The following DCTD variants were observed in gnomAD, a reference collection of about 807,000 sequenced individuals.
DCTD encodes dCMP deaminase, also known as deoxycytidylate deaminase.
In DCTD, 23 loss-of-function variants were observed where a neutral mutation model predicts 21.0. The ratio of observed to expected loss-of-function variants is 1.09; its 90% confidence interval spans 0.79 to 1.55. DCTD has a LOEUF of 1.55. DCTD is among the 40% of genes most tolerant of loss of function. The pLI is 0.00. For synonymous variants in DCTD, 71 were observed against 81.1 expected, an observed-to-expected ratio of 0.88 and a Z score of 0.67; for missense variants, 224 against 230.0, an observed-to-expected ratio of 0.97 and a Z score of 0.17.
rs72553960 is a variant in DCTD at position 182,916,723 on chromosome 4, C to T, written c.-8+588G>A. 4.3e-5 allele frequency: 46 copies of T among 1,071,638 alleles called. No homozygotes were observed. The African/African-American group carries it at 7.5e-4, about 18-fold the overall frequency. The allele number at this position is 1,071,638 out of a possible 1,614,324, so 66.4% of individuals were successfully genotyped here. A position where few individuals can be genotyped will look rare whatever the true frequency, so the allele number is the denominator to read the frequency against. On this transcript the variant is annotated intron_variant, in intron 1 of 5. Transcript: ENST00000438320. ...TCGCTGTGGGGTGCTGGAGAAGTAC[C>T]TACTAAATAGGAGGGAGGGGGAGCC...
chr4:182,907,259 C>T (rs1736885799), intron 3 of DCTD, among the ~76,000 whole-genome samples: 2 of 152,174 alleles, frequency 1.3e-5, no homozygotes, highest in African/African-American at 4.8e-5. Context: ...CCTCAGCCTC[C>T]CTGGAGTAGC....
chr4:182,898,543 T>C (rs1735152273), intron 3 of DCTD, among the ~76,000 whole-genome samples: 3 of 152,162 alleles, frequency 2.0e-5, no homozygotes, highest in Admixed American at 1.3e-4. Flanking sequence ...ACAGGTGACT[T>C]TCTCTAAAAC....
In DCTD at chr4:182,891,404, G is replaced by C. The variant is rs143183155; in HGVS notation, c.532C>G (p.Gln178Glu). Residue 178 changes from glutamine to glutamate, a missense_variant, in exon 6 of 6, where the codon CAG (glutamine) becomes GAG (glutamate). Coordinates refer to ENST00000438320, the MANE Select transcript of DCTD (RefSeq NM_001921.3). ...GAGATTGAATGAGATGTAACTCACTGAAGCTTTTGACTCGGTCTGCTGTTA... is the reference window on the plus strand; with the variant it reads ...GAGATTGAATGAGATGTAACTCACTCAAGCTTTTGACTCGGTCTGCTGTTA... The part of the protein sequence containing the change: ...SINSRPSQKL[Q>E] 5 of 1,605,362 alleles carry C rather than the reference G, an allele frequency of 3.1e-6. No individual in the cohort carries two copies. The African/African-American group carries it at 5.4e-5, about 17-fold the overall frequency.
intron 3 of DCTD, among the ~76,000 whole-genome samples, chr4:182,911,852 G>T (rs1025185020): frequency 1.3e-5 from 2 of 152,162 alleles, no homozygotes; most frequent in Non-Finnish European, 2.9e-5. Context: ...AGTAGTTTTT[G>T]TCATTGTGGA....
At chr4:182,893,907 C>A (rs185729231) in intron 4 of DCTD, among the ~76,000 whole-genome samples, 147 of 152,302 alleles carry the variant, frequency 9.7e-4, no homozygotes, top group Non-Finnish European at 6.3e-4. Flanking sequence ...AAATCTCCAG[C>A]CGAGAGTTTT....
intron 3 of DCTD, among the ~76,000 whole-genome samples, chr4:182,896,086 A>C (rs993495744): frequency 6.6e-6 from 1 of 152,146 alleles, no homozygotes; most frequent in African/African-American, 2.4e-5. Context: ...CAGCCTGCCA[A>C]CCTTCTACAC....
In DCTD at chr4:182,893,102, A is replaced by T; in HGVS notation, c.387T>A (p.Ser129=). Residue 129 remains serine (S), a synonymous_variant, in exon 5 of 6, where the codon TCT becomes TCA. Coordinates refer to ENST00000438320, the MANE Select transcript of DCTD (RefSeq NM_001921.3). ...QAGIKEVIFM[S]DKYHDSDEAT... is the part of the protein sequence containing the mutation. ...CCTCGTCACTATCATGGTATTTATC[A>T]GACATGAAAATCACTTCTTTTATAC... 1 of 1,609,912 alleles carries T rather than the reference A, an allele frequency of 6.2e-7. No homozygotes were observed. Among genetic ancestry groups the T allele is most frequent in the Admixed American group, 1.7e-5 (1 of 59,796 alleles).
chr4:182,892,829 T>A (rs1734034203), intron 5 of DCTD, among the ~76,000 whole-genome samples: 1 of 152,214 alleles, frequency 6.6e-6, no homozygotes, highest in African/African-American at 2.4e-5. Flanking sequence ...GTACAATCAT[T>A]AAACAAATGG....
intron 3 of DCTD, among the ~76,000 whole-genome samples, chr4:182,914,525 C>T (rs558310778): frequency 4.7e-4 from 72 of 152,340 alleles, no homozygotes; most frequent in African/African-American, 1.6e-3. Flanking sequence ...CCTGGTTAGC[C>T]GACCCTGCTT....
At chr4:182,915,269 G>A (rs1738520256) in intron 2 of DCTD, among the ~76,000 whole-genome samples, 192 bp downstream of exon 2, 1 of 152,226 alleles carries the variant, frequency 6.6e-6, no homozygotes, top group African/African-American at 2.4e-5. Context: ...GGGCACAAGA[G>A]GCAGTTAACA....
chr4:182,916,444 G>A, intron 1 of DCTD: 2 of 985,660 alleles, frequency 2.0e-6, no homozygotes, highest in Non-Finnish European at 2.4e-6. Context: ...AGAAAGGCGA[G>A]GAATGTGGTC....
chr4:182,894,630 A>T (rs766128882), intron 3 of DCTD, 25 bp from the exon 4 acceptor site: 34 of 1,517,302 alleles, frequency 2.2e-5, no homozygotes, highest in Non-Finnish European at 3.0e-5. Context: ...GGAAAGAAAG[A>T]AAAACTTTGG....
intron 5 of DCTD, among the ~76,000 whole-genome samples, chr4:182,892,555 A>C (rs1240945096): frequency 6.6e-6 from 1 of 151,938 alleles, no homozygotes; most frequent in Non-Finnish European, 1.5e-5. Context: ...CTTGAACCTG[A>C]GAAGCGGAGG....
chr4:182,893,137 A>AT lies in DCTD; in HGVS notation c.362-11_362-10insA. The AT allele has an allele frequency of 6.5e-7, 1 of 1,535,746 alleles. No individual in the cohort carries two copies. The highest frequency in any genetic ancestry group is 1.1e-5 in the South Asian group (1 of 88,122). On this transcript the variant is annotated splice_polypyrimidine_tract_variant and intron_variant, in intron 4 of 5. Transcript: ENST00000438320. ...ATCACTTCTTTTATACCTGTAAGGTAACAATGGGAGCTCCCTTAGTGTACG... is the reference window on the plus strand; with the variant it reads ...ATCACTTCTTTTATACCTGTAAGGTATACAATGGGAGCTCCCTTAGTGTACG...
intron 5 of DCTD, 53 bp from the exon 6 acceptor site, chr4:182,891,530 TG>T: frequency 7.9e-7 from 1 of 1,261,526 alleles, no homozygotes; most frequent in Non-Finnish European, 1.2e-6. Context: ...GAAAGCAATT[TG>T]TTTACTTTGG....
At chr4:182,908,606 C>T (rs1737125365) in intron 3 of DCTD, among the ~76,000 whole-genome samples, 1 of 147,990 alleles carries the variant, frequency 6.8e-6, no homozygotes, top group Non-Finnish European at 1.5e-5. Flanking sequence ...TCGCTTGAAA[C>T]CTGGAGGTGG....
intron 4 of DCTD, 50 bp from the exon 5 acceptor site, chr4:182,893,177 G>A: frequency 2.7e-6 from 3 of 1,101,410 alleles, no homozygotes; most frequent in Non-Finnish European, 4.2e-6. Flanking sequence ...TACAGATGCT[G>A]CAAAAGACAG....
chr4:182,913,424 C>T (rs1401058521), intron 3 of DCTD, among the ~76,000 whole-genome samples: 2 of 152,236 alleles, frequency 1.3e-5, no homozygotes, highest in Admixed American at 1.3e-4. Context: ...TACCTCTTAA[C>T]TTTTTCTTTC....
chr4:182,906,291 A>G (rs1736703801), intron 3 of DCTD, among the ~76,000 whole-genome samples: 1 of 152,180 alleles, frequency 6.6e-6, no homozygotes, highest in South Asian at 2.1e-4. Flanking sequence ...TCATTAAAAA[A>G]GAAAAAAAAA....
Sources: allele counts gnomAD v4.1 joint callset (sites outside exome capture counted in the v4.1 genomes callset), GRCh38; gene constraint gnomAD v4.1.1; transcripts MANE v1.5; gene names NCBI Gene and HGNC (gene_info 2026-07-23, HGNC 2026-07-21).